APBA2: variants seen among roughly 807,000 people sequenced by gnomAD.
APBA2 encodes the protein amyloid-beta A4 precursor protein-binding family A member 2.
Under a neutral mutation model 75.0 loss-of-function variants are expected in APBA2, and 30 were observed. The observed-to-expected ratio is 0.40, with a 90% CI of 0.30 to 0.54. The LOEUF (loss-of-function observed/expected upper bound fraction) is 0.54, where lower values mean the gene tolerates loss of function less well. Among genes scored for constraint, APBA2 ranks in the 20% least tolerant of loss-of-function variants. The pLI is 0.49. For synonymous variants in APBA2, 444 were observed against 409.6 expected (o/e 1.08, Z -1.01); for missense variants, 801 against 1,016.1 (o/e 0.79, Z 2.88).
intron 1 of APBA2, among the ~76,000 whole-genome samples, chr15:28,903,892 T>C (rs2033001408): frequency 6.6e-6 from 1 of 152,110 alleles, no homozygotes; most frequent in African/African-American, 2.4e-5. Context: ...CACTTGTCCC[T>C]GAGGAGGGAC....
chr15:28,915,798 A>C (rs1225398108), intron 1 of APBA2, among the ~76,000 whole-genome samples: 2 of 148,392 alleles, frequency 1.3e-5, no homozygotes, highest in Admixed American at 6.7e-5. Flanking sequence ...CACACACACA[A>C]CACATTCACA....
chr15:28,889,598 T>C (rs2031993293), intron 1 of APBA2, among the ~76,000 whole-genome samples: 1 of 152,212 alleles, frequency 6.6e-6, no homozygotes, highest in Non-Finnish European at 1.5e-5. Context: ...CCCTGGGTTG[T>C]CCCCACCCCA....
rs543418850 is a variant in APBA2, at chr15:28,991,197, T to C, written c.-94-4556T>C. Among the ~76,000 whole-genome samples the C allele has an allele frequency of 2.2e-3, 331 of 152,316 alleles. 1 individual carries two copies. Among genetic ancestry groups the C allele is most frequent in the African/African-American group, 7.7e-3 (320 of 41,578 alleles). On this transcript the variant is annotated intron_variant, in intron 2 of 14. Transcript: ENST00000683413. The surrounding 1 kb of genome is among the most constrained non-coding windows in gnomAD (Gnocchi z 4.7). ...CTCCTCTGCCTGTCTCAGCACCATC[T>C]CTGTGTGTCCCATCAGGAAGCAACA...
chr15:29,001,792 T>C (rs2038862122), intron 3 of APBA2, among the ~76,000 whole-genome samples: 1 of 152,288 alleles, frequency 6.6e-6, no homozygotes, highest in East Asian at 1.9e-4. Flanking sequence ...GAGAAAAAAA[T>C]TCATCAACAC....
At chr15:29,094,210 G>A in intron 7 of APBA2, 68 bp from the exon 8 acceptor site, 1 of 1,566,140 alleles carries the variant, frequency 6.4e-7, no homozygotes, top group East Asian at 2.2e-5. Context: ...CCACCAAAGT[G>A]ACATAACCTC....
chr15:28,902,053 T>A lies in APBA2; in HGVS notation c.-205+15775T>A, dbSNP rs369753979. ...GCCTGAGTGAAGCAGGCATCACAGA[T>A]GGGGGCTCATAAAAACCCGAAGGTA... On this transcript the variant is annotated intron_variant, in intron 1 of 14. Coordinates refer to ENST00000683413, the MANE Select transcript of APBA2 (RefSeq NM_001353788.2). 1.9e-4 allele frequency among the ~76,000 whole-genome samples: 28 copies of A among 150,246 alleles called. No individual in the cohort carries two copies. In the East Asian group the frequency reaches 5.1e-3, roughly 27 times the overall value.
intron 9 of APBA2, among the ~76,000 whole-genome samples, chr15:29,099,796 G>A (rs1286335139): frequency 6.6e-6 from 1 of 152,202 alleles, no homozygotes; most frequent in African/African-American, 2.4e-5. Flanking sequence ...TTGAAGCTGA[G>A]CCCCATCCTC....
intron 8 of APBA2, among the ~76,000 whole-genome samples, chr15:29,096,980 A>ACAT (rs1261461204): frequency 6.6e-6 from 1 of 152,196 alleles, no homozygotes; most frequent in East Asian, 1.9e-4. Flanking sequence ...GAGCCCATGA[A>ACAT]ACTCGTCTCA....
chr15:28,995,352 AT>A (rs1337370219), intron 2 of APBA2, among the ~76,000 whole-genome samples: 17 of 151,850 alleles, frequency 1.1e-4, no homozygotes, highest in South Asian at 2.1e-4. Flanking sequence ...GCCCACCCCC[AT>A]ATGCACACCC....
chr15:29,093,332 A>G (rs2043680201), intron 7 of APBA2, 112 bp downstream of exon 7: 2 of 1,469,896 alleles, frequency 1.4e-6, no homozygotes, highest in Non-Finnish European at 1.9e-6. Flanking sequence ...CACAGCCCTC[A>G]GCACAGGGGG....
At chr15:29,009,187 ACT>A (rs1449855342) in intron 3 of APBA2, among the ~76,000 whole-genome samples, 2 of 151,900 alleles carry the variant, frequency 1.3e-5, no homozygotes, top group Non-Finnish European at 2.9e-5. Flanking sequence ...CTGAGGAAAG[ACT>A]CTAAAAAGAC....
At chr15:29,061,050 G>A (rs2042109608) in intron 4 of APBA2, among the ~76,000 whole-genome samples, 1 of 152,066 alleles carries the variant, frequency 6.6e-6, no homozygotes. Flanking sequence ...CTTTCCCTGG[G>A]GCAACTCACC....
intron 3 of APBA2, among the ~76,000 whole-genome samples, chr15:29,033,662 C>T (rs2040595118): frequency 2.0e-5 from 3 of 152,040 alleles, no homozygotes; most frequent in African/African-American, 7.2e-5. Flanking sequence ...CAGAACCAGA[C>T]AAAAGAAGGA....
intron 4 of APBA2, among the ~76,000 whole-genome samples, chr15:29,063,320 G>A (rs1360182436): frequency 7.1e-6 from 1 of 141,636 alleles, no homozygotes; most frequent in African/African-American, 2.6e-5. Context: ...GGTGATGCGG[G>A]GAGTTGATCT....
intron 3 of APBA2, among the ~76,000 whole-genome samples, chr15:29,037,872 G>T (rs1226930820): frequency 2.0e-5 from 3 of 152,154 alleles, no homozygotes; most frequent in Non-Finnish European, 2.9e-5. Flanking sequence ...CTTATGAGGA[G>T]CCCTCTCCCT....
chr15:28,972,882 A>G (rs535214389), intron 2 of APBA2, among the ~76,000 whole-genome samples: 1 of 152,266 alleles, frequency 6.6e-6, no homozygotes, highest in South Asian at 2.1e-4. Context: ...TCCTGAAAAA[A>G]CCTATTGTTG....
chr15:28,974,688 G>GT (rs954023317), intron 2 of APBA2, among the ~76,000 whole-genome samples: 59 of 152,250 alleles, frequency 3.9e-4, no homozygotes, highest in Admixed American at 9.8e-4. Context: ...TATTAAATAA[G>GT]TTTTTAGGTG....
chr15:29,117,004 C>T (rs2045220517), intron 14 of APBA2, 58 bp from the exon 15 acceptor site: 4 of 1,558,762 alleles, frequency 2.6e-6, no homozygotes, highest in Non-Finnish European at 3.5e-6. Context: ...TTGCTTTCAC[C>T]TGATTGTGGG....
chr15:29,103,654 G>A (rs2044246260), intron 10 of APBA2, among the ~76,000 whole-genome samples: 1 of 152,198 alleles, frequency 6.6e-6, no homozygotes, highest in African/African-American at 2.4e-5. Flanking sequence ...GGCGGAGGAT[G>A]TCGTCCAAGG....
Sources: allele counts gnomAD v4.1 joint callset (sites outside exome capture counted in the v4.1 genomes callset), GRCh38; gene constraint gnomAD v4.1.1; non-coding constraint Gnocchi (gnomAD v3.1); transcripts MANE v1.5; gene names NCBI Gene and HGNC (gene_info 2026-07-23, HGNC 2026-07-21).